C1orf141: variants seen among roughly 807,000 people sequenced by gnomAD.
C1orf141 encodes the protein chromosome 1 open reading frame 141, also known as uncharacterized protein C1orf141.
Under a neutral mutation model 23.2 loss-of-function variants are expected in C1orf141, and 19 were observed. The ratio of observed to expected loss-of-function variants is 0.82; its 90% CI spans 0.57 to 1.20. The LOEUF (loss-of-function observed/expected upper bound fraction) is 1.20. C1orf141 is among the 50% of genes most tolerant of loss of function. The pLI, the probability that C1orf141 is intolerant of heterozygous loss-of-function variation, is 0.00. For missense variants in C1orf141, 469 were observed against 455.1 expected, an observed-to-expected ratio of 1.03 and a Z score of -0.28; for synonymous variants, 153 against 154.6, an observed-to-expected ratio of 0.99 and a Z score of 0.08.
intron 4 of C1orf141, among the ~76,000 whole-genome samples, chr1:67,125,133 T>C (rs1236556956): frequency 6.6e-6 from 1 of 152,206 alleles, no homozygotes; most frequent in Non-Finnish European, 1.5e-5. Context: ...GCAGACTTTT[T>C]CTTAAGTATA....
rs766837562 is a variant in C1orf141 at position 67,125,752 on chromosome 1, A to C, written c.233T>G (p.Met78Arg). 1.2e-6 allele frequency: 2 copies of C among 1,613,574 alleles called. No individual in the cohort carries two copies. The highest frequency in any genetic ancestry group is 2.2e-5 in the South Asian group (2 of 91,080). ...DKSCSITKSKMHVSFKCEPEP... is the reference protein window; with the variant it reads ...DKSCSITKSKRHVSFKCEPEP... ...AATTTAAGGTGGTTATGATAGTTACATTTTTGATTTTGTAATGCTGCATGA... is the reference window on the plus strand; with the variant it reads ...AATTTAAGGTGGTTATGATAGTTACCTTTTTGATTTTGTAATGCTGCATGA... The change falls in exon 4 of 8, where the codon ATG becomes AGG. Residue 78 changes from methionine (M) to arginine (R), a missense_variant and splice_region_variant. Physicochemically the swap from Met to Arg is moderately conservative, Grantham distance 91. Transcript: ENST00000684719.
intron 5 of C1orf141, among the ~76,000 whole-genome samples, chr1:67,097,225 A>C (rs1413069961): frequency 5.3e-5 from 8 of 152,154 alleles, no homozygotes; most frequent in Admixed American, 3.3e-4. Context: ...AACAAAAAAA[A>C]CCCGACAACA....
chr1:67,099,917 A>T (rs1645760983), intron 5 of C1orf141, among the ~76,000 whole-genome samples: 1 of 152,186 alleles, frequency 6.6e-6, no homozygotes, highest in South Asian at 2.1e-4. Flanking sequence ...AATATTGTGA[A>T]TATTTGCTGC....
chr1:67,118,293 G>C (rs563525662), intron 4 of C1orf141, among the ~76,000 whole-genome samples: 1 of 152,188 alleles, frequency 6.6e-6, no homozygotes, highest in Admixed American at 6.5e-5. Context: ...AAACTGGTGG[G>C]GGAAAAAAGA....
chr1:67,123,452 CTT>C (rs1472812602), intron 4 of C1orf141: 1 of 151,976 alleles, frequency 6.6e-6, no homozygotes, highest in African/African-American at 2.4e-5. Flanking sequence ...TTATTTGTCT[CTT>C]GTCATATTTT....
At chr1:67,093,839 C>A in intron 7 of C1orf141, 1 of 272,596 alleles carries the variant, frequency 3.7e-6, no homozygotes, top group Non-Finnish European at 6.7e-6. Context: ...GAACTTTTGG[C>A]CTTAAATGTT....
intron 1 of C1orf141, among the ~76,000 whole-genome samples, chr1:67,134,414 TAGCC>T (rs1450764319): frequency 2.0e-5 from 3 of 152,252 alleles, no homozygotes; most frequent in Non-Finnish European, 4.4e-5. Flanking sequence ...AAGAATTGAT[TAGCC>T]AGCTCGAAAT....
At chr1:67,103,484 T>A in intron 5 of C1orf141, 1 of 590,526 alleles carries the variant, frequency 1.7e-6, no homozygotes, top group Non-Finnish European at 2.6e-6. Flanking sequence ...AATATTGAAT[T>A]ATGATAACTA....
At position 67,125,927 on chromosome 1, in the gene C1orf141, T is replaced by TTAA; in HGVS notation, c.76-19_76-18insTTA. On this transcript the variant is annotated intron_variant, in intron 3 of 7. Coordinates refer to ENST00000684719, the MANE Select transcript of C1orf141 (RefSeq NM_001276351.2). Reference sequence around the variant, plus strand: ...CTGTTTATCTGCAGCAATGCCAAAGTGAAAAAAAAAAAAAAAAAAAGAGTA... The same window carrying TTAA: ...CTGTTTATCTGCAGCAATGCCAAAGTTAAGAAAAAAAAAAAAAAAAAAAGAGTA... The TTAA allele has an allele frequency of 9.0e-7, 1 of 1,112,184 alleles. No homozygotes were observed. Among genetic ancestry groups the TTAA allele is most frequent in the East Asian group, 3.6e-5 (1 of 27,642 alleles). The allele number at this position is 1,112,184 out of a possible 1,614,324, so 68.9% of individuals were successfully genotyped here.
At chr1:67,109,866 A>G (rs1830513) in intron 5 of C1orf141, among the ~76,000 whole-genome samples, 133,952 of 152,094 alleles carry the variant, frequency 0.88, 59,165 homozygotes, top group East Asian at 0.97. Context: ...AAGTGTACTG[A>G]ACAGTTAAGG....
Position 67,107,281 on chromosome 1 carries a change from T to C in C1orf141, c.346+8071A>G, listed in dbSNP as rs559714997. Among the ~76,000 whole-genome samples the C allele has an allele frequency of 1.4e-4, 21 of 152,158 alleles. No homozygotes were observed. The South Asian group carries it at 4.4e-3, about 32-fold the overall frequency. On this transcript the variant is annotated intron_variant, in intron 5 of 7. Coordinates refer to ENST00000684719, the MANE Select transcript of C1orf141 (RefSeq NM_001276351.2). Reference sequence around the variant, plus strand: ...CAACAGATATATTAAAGTGAAATTTTGATAAATATTCAAATAATCCAAAGA... The same window carrying C: ...CAACAGATATATTAAAGTGAAATTTCGATAAATATTCAAATAATCCAAAGA...
Position 67,093,277 on chromosome 1 carries a change from A to C in C1orf141, c.931T>G (p.Trp311Gly), listed in dbSNP as rs1477985422. The change falls in exon 8 of 8, where the codon TGG becomes GGG. Residue 311 changes from tryptophan to glycine, a missense_variant. By Grantham distance (184) the Trp-to-Gly change is radical. This residue lies in a region of C1orf141 where 370 missense variants were observed against 348.1 expected (regional missense o/e 1.06). Transcript: ENST00000684719. ...TGTGAGAAATTATAGAGTGTATTCC[A>C]AGATCTGTTTTCTAGTGTCTGCTTA... ...TNKQTLENRSWNTLYNFSQNF... is the reference protein window; with the variant it reads ...TNKQTLENRSGNTLYNFSQNF... The C allele has an allele frequency of 3.1e-6, 5 of 1,613,720 alleles. No individual in the cohort carries two copies. The African/African-American group carries it at 6.7e-5, about 22-fold the overall frequency.
intron 5 of C1orf141, among the ~76,000 whole-genome samples, chr1:67,111,063 T>A (rs558881575): frequency 6.6e-6 from 1 of 151,982 alleles, no homozygotes; most frequent in African/African-American, 2.4e-5. Context: ...CACTCAATGC[T>A]CAGAGCTAGT....
intron 5 of C1orf141, among the ~76,000 whole-genome samples, chr1:67,101,487 T>A (rs72676028): frequency 1.5e-4 from 22 of 150,418 alleles, no homozygotes; most frequent in African/African-American, 2.7e-4. Flanking sequence ...TGTGTGTGTG[T>A]GATGGAGTAG....
chr1:67,127,453 G>A lies in C1orf141; in HGVS notation c.-17-196C>T, dbSNP rs117991313. 7.5e-4 allele frequency among the ~76,000 whole-genome samples: 114 copies of A among 152,206 alleles called. No individual in the cohort carries two copies. The East Asian group carries it at 0.02, about 27-fold the overall frequency. On this transcript the variant is annotated intron_variant, in intron 2 of 7. Coordinates refer to ENST00000684719, the MANE Select transcript of C1orf141 (RefSeq NM_001276351.2). ...GAAGGCTATATGATCAGAACTCCCAGATATGTATAGGCCCCATGAATTTTT... is the reference window on the plus strand; with the variant it reads ...GAAGGCTATATGATCAGAACTCCCAAATATGTATAGGCCCCATGAATTTTT...
At chr1:67,121,081 C>T (rs1439512469) in intron 4 of C1orf141, among the ~76,000 whole-genome samples, 2 of 152,112 alleles carry the variant, frequency 1.3e-5, no homozygotes, top group Admixed American at 1.3e-4. Context: ...AAACAGTGTC[C>T]AGAAAGAAAT....
chr1:67,134,562 T>C (rs1474838771), intron 1 of C1orf141, among the ~76,000 whole-genome samples: 2 of 152,042 alleles, frequency 1.3e-5, no homozygotes, highest in African/African-American at 4.8e-5. Flanking sequence ...CGAGTCACCT[T>C]CCCCCAGGTG....
chr1:67,105,259 G>A (rs1167002171), intron 5 of C1orf141, among the ~76,000 whole-genome samples: 3 of 145,424 alleles, frequency 2.1e-5, no homozygotes, highest in Non-Finnish European at 3.0e-5. Flanking sequence ...CTGGGAGGCA[G>A]AGGTTGCATT....
At chr1:67,111,775 G>C (rs1375624066) in intron 5 of C1orf141, 2 of 424,938 alleles carry the variant, frequency 4.7e-6, no homozygotes, top group Non-Finnish European at 8.5e-6. Context: ...CATATGCATT[G>C]CTTGTACATG....
Sources: allele counts gnomAD v4.1 joint callset (sites outside exome capture counted in the v4.1 genomes callset), GRCh38; gene constraint gnomAD v4.1.1; regional missense constraint gnomAD v4.1.1; transcripts MANE v1.5; gene names NCBI Gene and HGNC (gene_info 2026-07-23, HGNC 2026-07-21).